The following TERF1 variants were observed in gnomAD, a reference collection of about 807,000 sequenced individuals.
TERF1 encodes the protein telomeric repeat-binding factor 1.
In TERF1, 20 loss-of-function variants were observed where a neutral mutation model predicts 55.1. The observed-to-expected ratio is 0.36, with a 90% confidence interval of 0.26 to 0.53. TERF1 has a LOEUF of 0.53. Ranked by LOEUF, TERF1 falls within the 20% of genes least tolerant of loss-of-function variation. The pLI is 0.91. For missense variants in TERF1, 439 were observed against 535.7 expected, an observed-to-expected ratio of 0.82 and a Z score of 1.78; for synonymous variants, 168 against 181.2, an observed-to-expected ratio of 0.93 and a Z score of 0.59.
At chr8:73,032,609 G>A (rs1211880971) in intron 8 of TERF1, among the ~76,000 whole-genome samples, 1 of 151,846 alleles carries the variant, frequency 6.6e-6, no homozygotes, top group Non-Finnish European at 1.5e-5. Flanking sequence ...TTGTGTAAGT[G>A]TACTCTTAAT....
At chr8:73,036,831 T>C (rs552566248) in intron 8 of TERF1, among the ~76,000 whole-genome samples, 128 of 136,144 alleles carry the variant, frequency 9.4e-4, no homozygotes, top group Admixed American at 2.3e-3. Flanking sequence ...TATATAAATA[T>C]ATATAATATA....
At chr8:73,034,884 A>G (rs1293673234) in intron 8 of TERF1, among the ~76,000 whole-genome samples, 1 of 152,186 alleles carries the variant, frequency 6.6e-6, no homozygotes, top group Non-Finnish European at 1.5e-5. Context: ...ACAGGAGCCA[A>G]AATTTGAAAT....
Position 73,019,695 on chromosome 8 carries a change from T to G in TERF1, c.416-989T>G, listed in dbSNP as rs55703002. Among the ~76,000 whole-genome samples the G allele has an allele frequency of 4.8e-3, 736 of 152,288 alleles. 8 individuals carry two copies. Among genetic ancestry groups the G allele is most frequent in the African/African-American group, 0.017 (690 of 41,570 alleles). ...CAGGCACACGCCCCCACCTGGCTCT[T>G]CCTGCCCTTTGAACATCAAACTCCT... On this transcript the variant is annotated intron_variant, in intron 2 of 9. Transcript: ENST00000276603.
At chr8:73,030,020 T>C (rs1169588319) in intron 6 of TERF1, 2 of 198,268 alleles carry the variant, frequency 1.0e-5, no homozygotes, top group Non-Finnish European at 2.0e-5. Context: ...AATTATACCT[T>C]AATAAAGCAG....
intron 5 of TERF1, 62 bp from the exon 6 acceptor site, chr8:73,026,878 T>C (rs1809029300): frequency 2.4e-6 from 3 of 1,249,682 alleles, no homozygotes; most frequent in Non-Finnish European, 2.3e-6. Flanking sequence ...TTTAATGCTA[T>C]TTGTTTAAAA....
Position 73,020,751 on chromosome 8 carries a change from T to A in TERF1, c.483T>A (p.Ile161=). 2 of 1,564,410 alleles carry A rather than the reference T, an allele frequency of 1.3e-6. No homozygotes were observed. The highest frequency in any genetic ancestry group is 2.3e-5 in the South Asian group (2 of 88,496). The change falls in exon 3 of 10, where the codon ATT becomes ATA. Residue 161 remains isoleucine, a synonymous_variant. Coordinates refer to ENST00000276603, the MANE Select transcript of TERF1 (RefSeq NM_017489.3). ...LESALMIWGS[I]EKEHDKLHEE... is the part of the protein sequence containing the mutation. ...CAGCCCTGATGATTTGGGGTTCAAT[T>A]GAAAAGGAACATGACAAACTTCATG... is the stretch of plus-strand genomic sequence containing the variant.
At chr8:73,022,116 C>T (rs1808786058) in intron 3 of TERF1, 100 bp from the exon 4 acceptor site, 14 of 642,598 alleles carry the variant, frequency 2.2e-5, no homozygotes, top group Non-Finnish European at 3.7e-5. Flanking sequence ...TAAAAATGTT[C>T]TCAACAGAGG....
At chr8:73,045,607 C>G (rs1451005703) in intron 9 of TERF1, among the ~76,000 whole-genome samples, 3 of 152,024 alleles carry the variant, frequency 2.0e-5, no homozygotes, top group African/African-American at 7.3e-5. Flanking sequence ...ATTCACAAAG[C>G]CTATTTGGAG....
At chr8:73,012,595 C>T (rs1002137867) in intron 1 of TERF1, 1 of 166,032 alleles carries the variant, frequency 6.0e-6, no homozygotes, top group Non-Finnish European at 1.3e-5. Flanking sequence ...ATGGCATGAA[C>T]CTGGGAGGCG....
rs542545610 is a variant in TERF1, at chr8:73,022,896, C to T, written c.624+594C>T. On this transcript the variant is annotated intron_variant, in intron 4 of 9. Transcript: ENST00000276603. Reference sequence around the variant, plus strand: ...GCAGTGAGCTATAACGCTGCCACTGCGCTCCAGCCTAAGCAACAGAGAGAG... The same window carrying T: ...GCAGTGAGCTATAACGCTGCCACTGTGCTCCAGCCTAAGCAACAGAGAGAG... Among the ~76,000 whole-genome samples the T allele has an allele frequency of 5.3e-5, 8 of 152,202 alleles. No individual in the cohort carries two copies. The South Asian group carries it at 1.2e-3, about 24-fold the overall frequency.
Position 73,009,179 on chromosome 8 carries a change from T to G in TERF1, c.293T>G (p.Phe98Cys), listed in dbSNP as rs1808164628. The G allele has an allele frequency of 2.5e-6, 4 of 1,610,646 alleles. No homozygotes were observed. The highest frequency in any genetic ancestry group is 1.3e-5 in the African/African-American group (1 of 74,860). ...TTCCGCGACGGCCGCTCCGAGGACT[T>G]CCGCAGGACCCGCAACAGCGCAGAG... is the stretch of plus-strand genomic sequence containing the variant. ...RAFRDGRSED[F>C]RRTRNSAEAI... Residue 98 changes from phenylalanine (F) to cysteine (C), a missense_variant, in exon 1 of 10, where the codon TTC (phenylalanine) becomes TGC (cysteine). Physicochemically the swap from Phe to Cys is radical, Grantham distance 205. Coordinates refer to ENST00000276603, the MANE Select transcript of TERF1 (RefSeq NM_017489.3).
intron 2 of TERF1, among the ~76,000 whole-genome samples, chr8:73,019,469 A>G (rs1339869399): frequency 6.6e-6 from 1 of 152,166 alleles, no homozygotes; most frequent in East Asian, 1.9e-4. Flanking sequence ...ATAAGTTCCA[A>G]AACAGACAAC....
At chr8:73,013,661 T>G (rs1808368801) in intron 1 of TERF1, 2 of 429,694 alleles carry the variant, frequency 4.7e-6, no homozygotes, top group East Asian at 9.8e-5. Context: ...AGACTGCTAC[T>G]TGTGAAAGAA....
chr8:73,045,439 TC>T (rs1204248546), intron 9 of TERF1, among the ~76,000 whole-genome samples: 5 of 152,342 alleles, frequency 3.3e-5, no homozygotes, highest in Non-Finnish European at 5.9e-5. Context: ...TTAGGAATTT[TC>T]TCCCAGCATA....
chr8:73,012,825 C>T, intron 1 of TERF1: 1 of 432,984 alleles, frequency 2.3e-6, no homozygotes, highest in Non-Finnish European at 4.7e-6. Flanking sequence ...TAGTTACTTA[C>T]ATAACTTTTT....
chr8:73,042,763 A>G (rs1316132006), intron 9 of TERF1: 3 of 152,210 alleles, frequency 2.0e-5, no homozygotes, highest in African/African-American at 7.2e-5. Flanking sequence ...TGTAATCTCT[A>G]GCCTTGGGAA....
rs2129723088 is a variant in TERF1, at chr8:73,013,969, A to G, written c.394A>G (p.Ile132Val). The change falls in exon 2 of 10, where the codon ATT becomes GTT. Residue 132 changes from isoleucine to valine, a missense_variant. Ile to Val is a conservative substitution (Grantham distance 29). Coordinates refer to ENST00000276603, the MANE Select transcript of TERF1 (RefSeq NM_017489.3). The part of the protein sequence containing the change: ...TIYICQFLTR[I>V]AAGKTLDAQF... ...ATACATATGTCAGTTTTTGACAAGA[A>G]TTGCAGCAGGAAAAACCCTTGGTAA... The G allele has an allele frequency of 6.2e-7, 1 of 1,610,088 alleles. No individual in the cohort carries two copies.
intron 3 of TERF1, among the ~76,000 whole-genome samples, chr8:73,021,677 C>G (rs1255401339): frequency 2.0e-5 from 3 of 152,090 alleles, no homozygotes; most frequent in African/African-American, 7.2e-5. Context: ...AAGTAGCTTA[C>G]CAAGTTTACA....
At chr8:73,042,206 C>A (rs185093288) in intron 9 of TERF1, among the ~76,000 whole-genome samples, 1 of 152,250 alleles carries the variant, frequency 6.6e-6, no homozygotes, top group East Asian at 1.9e-4. Flanking sequence ...GTTCTTCCAG[C>A]AGCCATTCCA....
Sources: gnomAD v4.1 joint callset for allele counts (sites outside exome capture counted in the v4.1 genomes callset) on GRCh38, gnomAD v4.1.1 for gene constraint, MANE v1.5 for transcripts, NCBI Gene and HGNC (gene_info 2026-07-23, HGNC 2026-07-21) for gene names.